AGO2: variants seen among roughly 807,000 people sequenced by gnomAD.
AGO2 encodes argonaute RISC catalytic component 2.
Under a neutral mutation model 102.3 loss-of-function variants are expected in AGO2, and 5 were observed. That is an observed-to-expected ratio of 0.05 (90% confidence interval 0.03 to 0.10). AGO2 has a LOEUF of 0.10. Ranked by LOEUF, AGO2 falls within the 10% of genes least tolerant of loss-of-function variation. The pLI, the probability that AGO2 is intolerant of heterozygous loss-of-function variation, is 1.00. For missense variants in AGO2, 541 were observed against 1,183.7 expected (o/e 0.46, Z 7.97); for synonymous variants, 449 against 473.1 (o/e 0.95, Z 0.66).
upstream of AGO2, chr8:140,638,274 G>T (rs1479380959): frequency 6.6e-6 from 1 of 152,248 alleles, no homozygotes; most frequent in Non-Finnish European, 1.5e-5. Context: ...TAAATCATTT[G>T]TTCCTAAAAC....
At chr8:140,623,416 A>G (rs909172639) in intron 1 of AGO2, among the ~76,000 whole-genome samples, 2 of 152,126 alleles carry the variant, frequency 1.3e-5, no homozygotes, top group East Asian at 1.9e-4. Flanking sequence ...TCATCTTACA[A>G]TGGTTCATCC....
At chr8:140,584,615 C>G (rs968835055) in intron 2 of AGO2, among the ~76,000 whole-genome samples, 37 of 152,136 alleles carry the variant, frequency 2.4e-4, no homozygotes, top group Non-Finnish European at 5.4e-4. Context: ...AAACAGACTA[C>G]GAAATAGGCA....
chr8:140,608,923 C>T (rs754493854), intron 1 of AGO2, among the ~76,000 whole-genome samples: 10 of 152,194 alleles, frequency 6.6e-5, no homozygotes, highest in Non-Finnish European at 1.3e-4. Context: ...TGGTGAGGTC[C>T]TGCTCCTCCC....
At chr8:140,561,091 G>C (rs1250873294) in intron 4 of AGO2, among the ~76,000 whole-genome samples, 1 of 152,260 alleles carries the variant, frequency 6.6e-6, no homozygotes, top group South Asian at 2.1e-4. Context: ...GCCAGCGTGA[G>C]GGCTTCACAA....
At chr8:140,536,966 C>T (rs984746012) in intron 16 of AGO2, among the ~76,000 whole-genome samples, 13 of 152,214 alleles carry the variant, frequency 8.5e-5, no homozygotes, top group Admixed American at 4.6e-4. Flanking sequence ...CTACAGACGG[C>T]ACTGTTTCAG....
chr8:140,598,041 C>T (rs183592578), intron 1 of AGO2, among the ~76,000 whole-genome samples: 2 of 152,346 alleles, frequency 1.3e-5, no homozygotes, highest in East Asian at 3.9e-4. Flanking sequence ...CCAGGTCGAA[C>T]ACTGAGCTTA....
chr8:140,588,487 A>G (rs2073693323), intron 1 of AGO2, among the ~76,000 whole-genome samples: 2 of 152,044 alleles, frequency 1.3e-5, no homozygotes, highest in Admixed American at 1.3e-4. Context: ...TGACAGAGAC[A>G]CTAAGTGAGC....
chr8:140,605,547 T>A (rs1314629819), intron 1 of AGO2, among the ~76,000 whole-genome samples: 1 of 152,194 alleles, frequency 6.6e-6, no homozygotes, highest in Non-Finnish European at 1.5e-5. Flanking sequence ...CAGGTGTGTC[T>A]GAGGCTGCGC....
intron 1 of AGO2, among the ~76,000 whole-genome samples, chr8:140,596,706 C>T (rs952891170): frequency 6.6e-6 from 1 of 152,228 alleles, no homozygotes; most frequent in Non-Finnish European, 1.5e-5. Flanking sequence ...AGCCCATTTT[C>T]CCAGCGTAGT....
intron 2 of AGO2, among the ~76,000 whole-genome samples, chr8:140,575,566 T>G: frequency 6.6e-6 from 1 of 152,202 alleles, no homozygotes; most frequent in South Asian, 2.1e-4. Flanking sequence ...CAAATCATTC[T>G]GGCCTAATTC....
chr8:140,605,394 C>T (rs916581618), intron 1 of AGO2, among the ~76,000 whole-genome samples: 3 of 152,086 alleles, frequency 2.0e-5, no homozygotes, highest in Non-Finnish European at 4.4e-5. Context: ...AATGCACCCG[C>T]CCTTAAAAGT....
intron 1 of AGO2, among the ~76,000 whole-genome samples, chr8:140,620,076 AG>A (rs1347905809): frequency 6.6e-6 from 1 of 152,164 alleles, no homozygotes; most frequent in Non-Finnish European, 1.5e-5. Flanking sequence ...GTTCCAGGAG[AG>A]GAACAGTCAG....
At chr8:140,629,110 A>G (rs1386487319) in intron 1 of AGO2, among the ~76,000 whole-genome samples, 1 of 152,012 alleles carries the variant, frequency 6.6e-6, no homozygotes, top group Non-Finnish European at 1.5e-5. Flanking sequence ...AAATAAATAA[A>G]TAAATTTTTA....
At position 140,521,901 on chromosome 8, in the gene AGO2, C is replaced by T. The variant is rs1487181120; in HGVS notation, c.*10143G>A. The T allele has an allele frequency of 6.6e-6, 1 of 152,128 alleles. No individual in the cohort carries two copies. Among genetic ancestry groups the T allele is most frequent in the Non-Finnish European group, 1.5e-5 (1 of 68,026 alleles). The allele number at this position is 152,128 out of a possible 1,614,324, so 9.4% of individuals were successfully genotyped here. ...GGGTACTTGGGATTTTTTTTCTGGC[C>T]ACCCCTTCACTGGCACAGAAAATGA... On this transcript the variant is annotated 3_prime_UTR_variant, in exon 19 of 19. Transcript: ENST00000220592.
chr8:140,576,346 G>T (rs1437934268), intron 2 of AGO2, among the ~76,000 whole-genome samples: 1 of 152,064 alleles, frequency 6.6e-6, no homozygotes. Flanking sequence ...AAAAAGATGA[G>T]CAATCAACTG....
In AGO2 at chr8:140,625,450, C is replaced by G. The variant is rs541783441; in HGVS notation, c.22+10035G>C. On this transcript the variant is annotated intron_variant, in intron 1 of 18. Transcript: ENST00000220592. The stretch of plus-strand genomic sequence containing the variant: ...TGGGCCTGTGCTGACCACCAGGCAA[C>G]TCGCCCCTCCCCAGCCCCAGCCCCT... 5.9e-5 allele frequency among the ~76,000 whole-genome samples: 9 copies of G among 152,278 alleles called. No homozygotes were observed. The South Asian group carries it at 1.5e-3, about 25-fold the overall frequency.
intron 13 of AGO2, among the ~76,000 whole-genome samples, chr8:140,545,855 C>A (rs952616066): frequency 1.3e-5 from 2 of 152,234 alleles, no homozygotes; most frequent in Non-Finnish European, 2.9e-5. Flanking sequence ...GCCACACTGT[C>A]GGGTGCCTCC....
In AGO2 at chr8:140,539,130, G is replaced by C. The variant is rs1025876916; in HGVS notation, c.2169+190C>G. The stretch of plus-strand genomic sequence containing the variant: ...AACCCTCCAAAACAACAACAAAAAA[G>C]CTTCACCAAATCAAGGACAGCCTTC... On this transcript the variant is annotated intron_variant, in intron 16 of 18. Coordinates refer to ENST00000220592, the MANE Select transcript of AGO2 (RefSeq NM_012154.5). The surrounding 1 kb of genome is among the most constrained non-coding windows in gnomAD (Gnocchi z 4.7). Among the ~76,000 whole-genome samples, 13 of 152,048 alleles carry C rather than the reference G, an allele frequency of 8.5e-5. No individual in the cohort carries two copies. Among genetic ancestry groups the C allele is most frequent in the South Asian group, 4.1e-4 (2 of 4,824 alleles).
chr8:140,610,999 G>A (rs1456094585), intron 1 of AGO2, among the ~76,000 whole-genome samples: 1 of 152,216 alleles, frequency 6.6e-6, no homozygotes, highest in South Asian at 2.1e-4. Flanking sequence ...GTAGACACGC[G>A]CGCATGCAGA....
Sources: allele counts gnomAD v4.1 joint callset (sites outside exome capture counted in the v4.1 genomes callset), GRCh38; gene constraint gnomAD v4.1.1; non-coding constraint Gnocchi (gnomAD v3.1); transcripts MANE v1.5; gene names NCBI Gene and HGNC (gene_info 2026-07-23, HGNC 2026-07-21).